PRPF19: variants seen among roughly 807,000 people sequenced by gnomAD.
The protein encoded by PRPF19 is pre-mRNA processing factor 19, also known as pre-mRNA-processing factor 19.
In PRPF19, 2 loss-of-function variants were observed where a neutral mutation model predicts 64.2. That is an observed-to-expected ratio of 0.03 (90% confidence interval 0.01 to 0.10). PRPF19 has a LOEUF of 0.10. Ranked by LOEUF, PRPF19 falls within the 10% of genes least tolerant of loss-of-function variation. The probability of loss-of-function intolerance (pLI) is 1.00; values close to 1 mark genes in which losing one functional copy is unlikely to be tolerated. For synonymous variants in PRPF19, 226 were observed against 251.6 expected, an observed-to-expected ratio of 0.90 and a Z score of 0.96; for missense variants, 314 against 650.0, an observed-to-expected ratio of 0.48 and a Z score of 5.62.
At chr11:60,896,508 C>T (rs180816474) in intron 15 of PRPF19, among the ~76,000 whole-genome samples, 49 of 152,332 alleles carry the variant, frequency 3.2e-4, no homozygotes, top group Admixed American at 2.3e-3. Flanking sequence ...TACCCCCATG[C>T]TGTTCTCATG....
chr11:60,892,924 TCCCCATCCCCCCACATA>T (rs1250500787), intron 15 of PRPF19, among the ~76,000 whole-genome samples: 2 of 152,004 alleles, frequency 1.3e-5, no homozygotes, highest in Non-Finnish European at 2.9e-5. Context: ...GTGCACTTCC[TCCCCATCCCCCCACATA>T]ACTTGTGTCA....
chr11:60,903,184 T>G (rs1202723164), intron 3 of PRPF19, among the ~76,000 whole-genome samples: 1 of 152,190 alleles, frequency 6.6e-6, no homozygotes, highest in Non-Finnish European at 1.5e-5. Flanking sequence ...ACAACACTGC[T>G]GCTGCTGCTA....
rs776579239 is a variant in PRPF19 at position 60,898,509 on chromosome 11, T to G, written c.1140+32A>C. ...TTGTCACAAACACTCCCTCTGGCCCTGGGCCTCAGATGGAGGCCTACCATG... is the reference window on the plus strand; with the variant it reads ...TTGTCACAAACACTCCCTCTGGCCCGGGGCCTCAGATGGAGGCCTACCATG... On this transcript the variant is annotated intron_variant, in intron 13 of 15. Transcript: ENST00000227524. The surrounding 1 kb of genome is among the most constrained non-coding windows in gnomAD (Gnocchi z 4.6). The G allele has an allele frequency of 6.2e-7, 1 of 1,613,862 alleles. No individual in the cohort carries two copies. Among genetic ancestry groups the G allele is most frequent in the South Asian group, 1.1e-5 (1 of 90,852 alleles).
In PRPF19 at chr11:60,902,655, A is replaced by C; in HGVS notation, c.390T>G (p.Ala130=). The C allele has an allele frequency of 6.2e-7, 1 of 1,614,228 alleles. No homozygotes were observed. Among genetic ancestry groups the C allele is most frequent in the South Asian group, 1.1e-5 (1 of 91,086 alleles). The stretch of plus-strand genomic sequence containing the variant: ...CAGCCTGTGGTTTCAGGGTAGCCAG[A>C]GCTGAGAGAAAAGACGATGTTAGAA... ...LTKEVTAARE[A]LATLKPQAGL... is the part of the protein sequence containing the mutation. Residue 130 remains alanine (A), a splice_region_variant and synonymous_variant, in exon 5 of 16, where the codon GCT becomes GCG. Coordinates refer to ENST00000227524, the MANE Select transcript of PRPF19 (RefSeq NM_014502.5). This position sits in a 1 kb window ranked among gnomAD's most constrained non-coding sequence, Gnocchi z 5.0.
At chr11:60,896,000 A>G (rs1855915766) in intron 15 of PRPF19, among the ~76,000 whole-genome samples, 1 of 152,194 alleles carries the variant, frequency 6.6e-6, no homozygotes, top group South Asian at 2.1e-4. Context: ...AATCATGAAG[A>G]AGTTTGAAAT....
At chr11:60,903,284 A>G (rs892555725) in intron 3 of PRPF19, among the ~76,000 whole-genome samples, 175 bp downstream of exon 3, 1 of 152,182 alleles carries the variant, frequency 6.6e-6, no homozygotes, top group African/African-American at 2.4e-5. Flanking sequence ...TAGAGCACCT[A>G]CTATGTACCA....
At chr11:60,903,989 G>T in intron 1 of PRPF19, 128 bp from the exon 2 acceptor site, 1 of 1,182,392 alleles carries the variant, frequency 8.5e-7, no homozygotes, top group Non-Finnish European at 1.2e-6. Context: ...CAAGACATTT[G>T]ACCCTAAGCC....
chr11:60,892,172 C>A (rs190681630), intron 15 of PRPF19, among the ~76,000 whole-genome samples: 4 of 152,346 alleles, frequency 2.6e-5, no homozygotes, highest in Admixed American at 2.0e-4. Context: ...GGGAAAGTCA[C>A]GTACCCAGGG....
intron 6 of PRPF19, among the ~76,000 whole-genome samples, chr11:60,901,852 G>A (rs1179550095): frequency 1.3e-5 from 2 of 152,092 alleles, no homozygotes; most frequent in Non-Finnish European, 2.9e-5. Flanking sequence ...AGGTCTACAC[G>A]CCACTAAGCC....
At position 60,898,171 on chromosome 11, in the gene PRPF19, G is replaced by C; in HGVS notation, c.1241C>G (p.Ser414Cys). 1 of 1,614,188 alleles carries C rather than the reference G, an allele frequency of 6.2e-7. No homozygotes were observed. The highest frequency in any genetic ancestry group is 8.5e-7 in the Non-Finnish European group (1 of 1,180,042). ...GYYLATAADDSSVKLWDLRKL... is the reference protein window; with the variant it reads ...GYYLATAADDCSVKLWDLRKL... ...GCGCAGATCCCAGAGCTTGACAGAG[G>C]AGTCATCAGCCGCTGTAGCCAGGTA... The change falls in exon 14 of 16, where the codon TCC becomes TGC. Residue 414 changes from serine (S) to cysteine (C), a missense_variant. Coordinates refer to ENST00000227524, the MANE Select transcript of PRPF19 (RefSeq NM_014502.5). This position sits in a 1 kb window ranked among gnomAD's most constrained non-coding sequence, Gnocchi z 4.6.
chr11:60,901,262 T>C, intron 8 of PRPF19, 33 bp downstream of exon 8: 1 of 1,607,910 alleles, frequency 6.2e-7, no homozygotes, highest in Non-Finnish European at 8.5e-7. Flanking sequence ...ACGGGAGGGC[T>C]GTCTCCAAGA....
chr11:60,905,684 C>T (rs1232193731), intron 1 of PRPF19, among the ~76,000 whole-genome samples: 2 of 152,264 alleles, frequency 1.3e-5, no homozygotes, highest in Non-Finnish European at 2.9e-5. Flanking sequence ...GCTCTTCCTG[C>T]GCCTTGCATC....
Position 60,906,406 on chromosome 11 carries a change from C to T in PRPF19, c.-24G>A, listed in dbSNP as rs752067909. ...ATGGCGCCGTCACCGTGCTCCGAGG[C>T]GCCACACGCCGGGCTCCGGGACTAG... On this transcript the variant is annotated 5_prime_UTR_variant, in exon 1 of 16. Coordinates refer to ENST00000227524, the MANE Select transcript of PRPF19 (RefSeq NM_014502.5). The T allele has an allele frequency of 1.3e-6, 2 of 1,561,584 alleles. No individual in the cohort carries two copies. Among genetic ancestry groups the T allele is most frequent in the South Asian group, 1.2e-5 (1 of 85,700 alleles).
rs575192133 is a variant in PRPF19, at chr11:60,892,669, C to T, written c.1418-1406G>A. On this transcript the variant is annotated intron_variant, in intron 15 of 15. Coordinates refer to ENST00000227524, the MANE Select transcript of PRPF19 (RefSeq NM_014502.5). ...TACCCCAAAGTATGGTGGTTTGGCA[C>T]GCTGAGGGCTTTGAACCAAGGTCTC... Among the ~76,000 whole-genome samples, 25 of 152,256 alleles carry T rather than the reference C, an allele frequency of 1.6e-4. 1 individual carries two copies. The highest frequency in any genetic ancestry group is 8.3e-4 in the South Asian group (4 of 4,818).
At chr11:60,906,251 G>A in intron 1 of PRPF19, 113 bp downstream of exon 1, 3 of 1,422,338 alleles carry the variant, frequency 2.1e-6, no homozygotes, top group Non-Finnish European at 2.7e-6. Context: ...CTCGGCCTCC[G>A]GAGCGCCCCA....
In PRPF19 at chr11:60,903,699, A is replaced by G. The variant is rs768999119; in HGVS notation, c.169+13T>C. The G allele has an allele frequency of 3.2e-6, 5 of 1,586,790 alleles. No homozygotes were observed. The highest frequency in any genetic ancestry group is 1.9e-5 in the Admixed American group (1 of 52,312). ...AGCTAAGATGGCCCTAGACTAAGGCAGCCAATAGGCACCTTTGATGTCGAT... is the reference window on the plus strand; with the variant it reads ...AGCTAAGATGGCCCTAGACTAAGGCGGCCAATAGGCACCTTTGATGTCGAT... On this transcript the variant is annotated intron_variant, in intron 2 of 15. Coordinates refer to ENST00000227524, the MANE Select transcript of PRPF19 (RefSeq NM_014502.5).
At chr11:60,896,200 TATTA>T (rs1188285288) in intron 15 of PRPF19, among the ~76,000 whole-genome samples, 1 of 152,158 alleles carries the variant, frequency 6.6e-6, no homozygotes, top group African/African-American at 2.4e-5. Context: ...CTTTTTTTGG[TATTA>T]AATATACTCT....
rs1343570486 is a variant in PRPF19 at position 60,902,295 on chromosome 11, C to A, written c.525+108G>T. On this transcript the variant is annotated intron_variant, in intron 6 of 15. Transcript: ENST00000227524. This position sits in a 1 kb window ranked among gnomAD's most constrained non-coding sequence, Gnocchi z 5.0. ...ATCTGGTCCCAGGGTCCATGCTCTG[C>A]ACCACTCAACTCCCAAAAGCACAGT... 3 of 1,249,212 alleles carry A rather than the reference C, an allele frequency of 2.4e-6. No homozygotes were observed. The East Asian group carries it at 7.1e-5, about 30-fold the overall frequency. 77.4% of individuals were successfully genotyped at this position (1,249,212 alleles called of 1,614,324 possible).
At chr11:60,892,721 C>A (rs1350316042) in intron 15 of PRPF19, among the ~76,000 whole-genome samples, 1 of 152,226 alleles carries the variant, frequency 6.6e-6, no homozygotes, top group African/African-American at 2.4e-5. Flanking sequence ...CCTCCTGTCT[C>A]TTGCCCCTCT....
Sources: gnomAD v4.1 joint callset for allele counts (sites outside exome capture counted in the v4.1 genomes callset) on GRCh38, gnomAD v4.1.1 for gene constraint, Gnocchi (gnomAD v3.1) non-coding constraint, MANE v1.5 for transcripts, NCBI Gene and HGNC (gene_info 2026-07-23, HGNC 2026-07-21) for gene names.